The following TNRC6C variants were observed in gnomAD, a reference collection of about 807,000 sequenced individuals.
TNRC6C encodes trinucleotide repeat containing adaptor 6C.
A neutral mutation model predicts 153.7 loss-of-function variants in TNRC6C; 20 were observed. The observed-to-expected ratio is 0.13, with a 90% CI of 0.09 to 0.19. The LOEUF (loss-of-function observed/expected upper bound fraction) is 0.19, where lower values mean the gene tolerates loss of function less well. Among genes scored for constraint, TNRC6C ranks in the 10% least tolerant of loss-of-function variants. TNRC6C has a pLI of 1.00. For synonymous variants in TNRC6C, 811 were observed against 841.4 expected (o/e 0.96, Z 0.63); for missense variants, 1,987 against 2,172.0 (o/e 0.91, Z 1.69).
In TNRC6C at chr17:78,104,766, A is replaced by G; in HGVS notation, c.4994A>G (p.Asp1665Gly). ...AGCCTGTGGGGCCCGCCCAGCGCCG[A>G]CGACAGCAGGGTGATAGGCAGCCCC... Residue 1665 changes from aspartate to glycine, a missense_variant, in exon 20 of 20, where the codon GAC becomes GGC. Physicochemically the swap from Asp to Gly is moderately conservative, Grantham distance 94. Transcript: ENST00000301624. This position sits in a 1 kb window ranked among gnomAD's most constrained non-coding sequence, Gnocchi z 6.2. 1 of 1,480,462 alleles carries G rather than the reference A, an allele frequency of 6.8e-7. No individual in the cohort carries two copies. Among genetic ancestry groups the G allele is most frequent in the Non-Finnish European group, 9.0e-7 (1 of 1,115,244 alleles). The allele number at this position is 1,480,462 out of a possible 1,614,324, so 91.7% of individuals were successfully genotyped here. A position where few individuals can be genotyped will look rare whatever the true frequency, so the allele number is the denominator to read the frequency against.
chr17:78,045,606 G>T (rs1172032374), intron 2 of TNRC6C, among the ~76,000 whole-genome samples: 2 of 152,188 alleles, frequency 1.3e-5, no homozygotes, highest in Non-Finnish European at 2.9e-5. Context: ...GTAGCACTAT[G>T]CATGTATGGT....
chr17:78,043,982 T>C (rs1408051054), intron 2 of TNRC6C, among the ~76,000 whole-genome samples: 1 of 152,246 alleles, frequency 6.6e-6, no homozygotes, highest in Non-Finnish European at 1.5e-5. Context: ...CATAGGTTGC[T>C]TCCAAATCTT....
intron 1 of TNRC6C, among the ~76,000 whole-genome samples, chr17:77,998,033 CCATT>C (rs1162490125): frequency 2.0e-5 from 3 of 152,084 alleles, no homozygotes; most frequent in Non-Finnish European, 4.4e-5. Context: ...ATTTGCAGTA[CCATT>C]CACTCTGTGG....
At chr17:77,971,021 A>G (rs1010309806) in intron 1 of TNRC6C, among the ~76,000 whole-genome samples, 2 of 152,144 alleles carry the variant, frequency 1.3e-5, no homozygotes, top group Admixed American at 6.5e-5. Context: ...AAAGAAAGAA[A>G]AGAAAAAAGT....
At chr17:77,965,515 A>G (rs1012764888) in intron 1 of TNRC6C, among the ~76,000 whole-genome samples, 6 of 152,220 alleles carry the variant, frequency 3.9e-5, no homozygotes, top group Non-Finnish European at 8.8e-5. Flanking sequence ...TGAGCTCTTT[A>G]TCATTCCGCT....
Position 77,973,798 on chromosome 17 carries a change from A to G in TNRC6C, c.-38+14530A>G, listed in dbSNP as rs528736687. Among the ~76,000 whole-genome samples, 5 of 152,374 alleles carry G rather than the reference A, an allele frequency of 3.3e-5. No individual in the cohort carries two copies. The East Asian group carries it at 7.7e-4, about 23-fold the overall frequency. On this transcript the variant is annotated intron_variant, in intron 1 of 22. Transcript: ENST00000636222. ...TTACAAAAGAAGTGAAGATGTTTAC[A>G]CCGAAACTGCAAAAACATTGCTGAG...
intron 13 of TNRC6C, among the ~76,000 whole-genome samples, chr17:78,089,452 T>G (rs1351567866): frequency 1.3e-5 from 2 of 152,198 alleles, no homozygotes; most frequent in African/African-American, 4.8e-5. Flanking sequence ...ATTGCCTATC[T>G]TGTTGGCTCT....
At position 78,075,539 on chromosome 17, in the gene TNRC6C, T is replaced by C. The variant is rs2073069352; in HGVS notation, c.3060+261T>C. 6.6e-6 allele frequency among the ~76,000 whole-genome samples: 1 copy of C among 152,248 alleles called. No individual in the cohort carries two copies. The highest frequency in any genetic ancestry group is 1.5e-5 in the Non-Finnish European group (1 of 68,034). On this transcript the variant is annotated intron_variant, in intron 8 of 19. Transcript: ENST00000301624. This position sits in a 1 kb window ranked among gnomAD's most constrained non-coding sequence, Gnocchi z 4.2. Reference sequence around the variant, plus strand: ...TGTGTGAACTTGGCTGGTTATCTGCTTCAATTTGTCCAATGGGCAAGGGTC... The same window carrying C: ...TGTGTGAACTTGGCTGGTTATCTGCCTCAATTTGTCCAATGGGCAAGGGTC...
intron 1 of TNRC6C, among the ~76,000 whole-genome samples, chr17:77,959,653 G>C (rs957772258): frequency 1.3e-5 from 2 of 150,118 alleles, no homozygotes; most frequent in African/African-American, 4.8e-5. Flanking sequence ...TGGTGCAGGA[G>C]CCCGGTGCCG....
chr17:78,047,149 T>C (rs964514813), intron 2 of TNRC6C, among the ~76,000 whole-genome samples: 3 of 152,138 alleles, frequency 2.0e-5, no homozygotes, highest in South Asian at 2.1e-4. Flanking sequence ...AAATGAAATG[T>C]GGTAATATTT....
chr17:77,988,217 T>A (rs954768281), intron 1 of TNRC6C, among the ~76,000 whole-genome samples: 1 of 151,994 alleles, frequency 6.6e-6, no homozygotes, highest in Non-Finnish European at 1.5e-5. Context: ...CTACAAAAAA[T>A]TAAAAAACTA....
At chr17:77,967,974 G>A (rs2070911154) in intron 1 of TNRC6C, among the ~76,000 whole-genome samples, 1 of 152,148 alleles carries the variant, frequency 6.6e-6, no homozygotes, top group African/African-American at 2.4e-5. Flanking sequence ...CATAATTTCA[G>A]TACTCCTTTA....
At chr17:78,019,643 GT>G (rs944366640) in intron 1 of TNRC6C, among the ~76,000 whole-genome samples, 6 of 152,158 alleles carry the variant, frequency 3.9e-5, no homozygotes, top group African/African-American at 1.4e-4. Context: ...CTTGCTGAAA[GT>G]TTTTTAAAAT....
intron 1 of TNRC6C, among the ~76,000 whole-genome samples, chr17:77,968,731 A>G (rs917778682): frequency 9.2e-5 from 14 of 152,280 alleles, no homozygotes; most frequent in African/African-American, 3.4e-4. Flanking sequence ...AGTCTTCAGA[A>G]AATGGTTTGT....
Position 78,049,971 on chromosome 17 carries a change from T to C in TNRC6C, c.909T>C (p.Pro303=). 2 of 1,614,058 alleles carry C rather than the reference T, an allele frequency of 1.2e-6. No homozygotes were observed. Among genetic ancestry groups the C allele is most frequent in the Non-Finnish European group, 1.7e-6 (2 of 1,179,896 alleles). The change falls in exon 3 of 20, where the codon CCT becomes CCC. Residue 303 remains proline (P), a synonymous_variant. Coordinates refer to ENST00000301624, the Ensembl canonical transcript of TNRC6C. The surrounding 1 kb of genome is among the most constrained non-coding windows in gnomAD (Gnocchi z 4.1). ...GAAATGCTTGGGATTCAGGACCTCC[T>C]GCTGGTCCTGGAATACTCGCCTGGG...
At chr17:78,101,315 T>C (rs2073590197) in intron 17 of TNRC6C, among the ~76,000 whole-genome samples, 1 of 152,232 alleles carries the variant, frequency 6.6e-6, no homozygotes, top group African/African-American at 2.4e-5. Context: ...CATTTCCATC[T>C]GAGACCGCTG....
intron 1 of TNRC6C, among the ~76,000 whole-genome samples, chr17:77,989,103 C>T (rs1333083488): frequency 6.6e-6 from 1 of 152,182 alleles, no homozygotes; most frequent in Non-Finnish European, 1.5e-5. Flanking sequence ...ATGTTACTTT[C>T]TTGGCTTAAA....
intron 7 of TNRC6C, 94 bp downstream of exon 9, chr17:78,073,188 A>G: frequency 8.7e-7 from 1 of 1,143,508 alleles, no homozygotes. Flanking sequence ...AATGGTTAAT[A>G]TGTCCTGGGT....
chr17:78,102,517 G>T, exon 18 of TNRC6C: 1 of 1,605,786 alleles, frequency 6.2e-7, no homozygotes, highest in Non-Finnish European at 8.5e-7. Flanking sequence ...CCAGCAGCTG[G>T]CTCGTTCTTC....
Sources: gnomAD v4.1 joint callset for allele counts (sites outside exome capture counted in the v4.1 genomes callset) on GRCh38, gnomAD v4.1.1 for gene constraint, Gnocchi (gnomAD v3.1) non-coding constraint, MANE v1.5 for transcripts, NCBI Gene and HGNC (gene_info 2026-07-23, HGNC 2026-07-21) for gene names.